The following NBL1 variants were observed in gnomAD, a reference collection of about 807,000 sequenced individuals.
NBL1 encodes the protein neuroblastoma suppressor of tumorigenicity 1.
Under a neutral mutation model 16.0 loss-of-function variants are expected in NBL1, and 9 were observed. That is an observed-to-expected ratio of 0.56 (90% CI 0.34 to 0.98). The LOEUF (loss-of-function observed/expected upper bound fraction) is 0.98, where lower values mean the gene tolerates loss of function less well. Ranked by LOEUF, NBL1 falls within the 50% of genes least tolerant of loss-of-function variation. The probability of loss-of-function intolerance (pLI) is 0.02; values close to 1 mark genes in which losing one functional copy is unlikely to be tolerated. For missense variants in NBL1, 196 were observed against 243.1 expected (o/e 0.81, Z 1.29); for synonymous variants, 86 against 100.7 (o/e 0.85, Z 0.87).
upstream of NBL1, chr1:19,644,162 C>A (rs548708702): frequency 6.7e-5 from 66 of 980,338 alleles, no homozygotes; most frequent in Non-Finnish European, 2.1e-5. This position sits in a 1 kb window ranked among gnomAD's most constrained non-coding sequence, Gnocchi z 4.6. Flanking sequence ...GCGGCGCCCC[C>A]TCCTGCGCAC....
In NBL1 at chr1:19,658,274, T is replaced by C. The variant is rs1313344941; in HGVS notation, c.*1145T>C. ...GCGGGCCCATGAAGAAAGCCCCTCG[T>C]TGCCCAGCACTGTCTGCGTCTGCTC... On this transcript the variant is annotated 3_prime_UTR_variant, in exon 4 of 4. Coordinates refer to ENST00000375136, the MANE Select transcript of NBL1 (RefSeq NM_005380.8). The C allele has an allele frequency of 1.3e-5, 2 of 152,704 alleles. No homozygotes were observed. Among genetic ancestry groups the C allele is most frequent in the Admixed American group, 6.5e-5 (1 of 15,280 alleles). 9.5% of individuals were successfully genotyped at this position (152,704 alleles called of 1,614,324 possible). A position where few individuals can be genotyped will look rare whatever the true frequency, so the allele number is the denominator to read the frequency against.
intron 1 of NBL1, among the ~76,000 whole-genome samples, chr1:19,653,010 G>A (rs968196208): frequency 4.0e-5 from 6 of 149,748 alleles, no homozygotes; most frequent in South Asian, 2.1e-4. Context: ...AAGTAAGGCC[G>A]GGCGCAGTGG....
intron 1 of NBL1, chr1:19,645,243 G>A (rs1052589350): frequency 1.2e-5 from 6 of 498,918 alleles, no homozygotes; most frequent in African/African-American, 1.0e-4. Flanking sequence ...TTGAGTCTGG[G>A]GCAGGGAGAG....
intron 1 of NBL1, chr1:19,645,802 G>A: frequency 6.9e-7 from 1 of 1,441,892 alleles, no homozygotes; most frequent in Non-Finnish European, 9.1e-7. Context: ...TAGGTGTTCT[G>A]CATCGGCCAG....
intron 1 of NBL1, among the ~76,000 whole-genome samples, chr1:19,650,637 G>T (rs1160062634): frequency 1.3e-5 from 2 of 152,154 alleles, no homozygotes; most frequent in Non-Finnish European, 1.5e-5. Flanking sequence ...CTCGCTTTTG[G>T]GGAGTCCCAT....
chr1:19,654,221 G>T (rs558059225), intron 1 of NBL1, among the ~76,000 whole-genome samples: 2 of 152,178 alleles, frequency 1.3e-5, no homozygotes, highest in Admixed American at 1.3e-4. Context: ...GACCAGCCTG[G>T]GCAACACGGC....
rs2095060645 is a variant in NBL1 at position 19,657,063 on chromosome 1, G to A, written c.480G>A (p.Gly160=). 4 of 1,541,292 alleles carry A rather than the reference G, an allele frequency of 2.6e-6. No homozygotes were observed. Among genetic ancestry groups the A allele is most frequent in the Non-Finnish European group, 3.5e-6 (4 of 1,141,774 alleles). Residue 160 remains glycine (G), a synonymous_variant, in exon 4 of 4, where the codon GGG becomes GGA. Coordinates refer to ENST00000375136, the MANE Select transcript of NBL1 (RefSeq NM_005380.8). ...PHPHPHPHPG[G]QTPEPEDPPG... ...CCCATCCCCACCCCCATCCTGGCGGGCAGACCCCTGAGCCCGAGGACCCCC... is the reference window on the plus strand; with the variant it reads ...CCCATCCCCACCCCCATCCTGGCGGACAGACCCCTGAGCCCGAGGACCCCC...
chr1:19,651,922 A>G (rs1021760614), intron 1 of NBL1, among the ~76,000 whole-genome samples: 3 of 151,944 alleles, frequency 2.0e-5, no homozygotes, highest in Non-Finnish European at 2.9e-5. Context: ...ATTTTATTTT[A>G]TTTTGAGACC....
chr1:19,643,522 G>C (rs1462442643), upstream of NBL1: 1 of 1,484,238 alleles, frequency 6.7e-7, no homozygotes, highest in Admixed American at 2.2e-5. This position sits in a 1 kb window ranked among gnomAD's most constrained non-coding sequence, Gnocchi z 4.7. Flanking sequence ...GAATAGAGAA[G>C]GTACGGCCGC....
At chr1:19,651,256 C>T (rs1209668349) in intron 1 of NBL1, among the ~76,000 whole-genome samples, 1 of 152,178 alleles carries the variant, frequency 6.6e-6, no homozygotes, top group Non-Finnish European at 1.5e-5. Context: ...GCTGGAGCTC[C>T]ACGCTGCTGG....
At chr1:19,655,461 C>A (rs1272231381) in intron 3 of NBL1, 26 bp downstream of exon 3, 2 of 1,611,774 alleles carry the variant, frequency 1.2e-6, no homozygotes, top group Non-Finnish European at 8.5e-7. Context: ...CTGCCCCACC[C>A]AGTCTCGGCC....
intron 1 of NBL1, among the ~76,000 whole-genome samples, chr1:19,653,103 C>T (rs1190782163): frequency 2.0e-5 from 3 of 151,444 alleles, no homozygotes; most frequent in Admixed American, 6.6e-5. Context: ...CTGGCTAACA[C>T]GGTGAAACCC....
rs2094965288 is a variant in NBL1 at position 19,644,436 on chromosome 1, G to C, written c.-30G>C. The C allele has an allele frequency of 6.1e-6, 6 of 978,740 alleles. No individual in the cohort carries two copies. The highest frequency in any genetic ancestry group is 7.3e-6 in the Non-Finnish European group (6 of 827,442). The allele number at this position is 978,740 out of a possible 1,614,324, so 60.6% of individuals were successfully genotyped here. A position where few individuals can be genotyped will look rare whatever the true frequency, so the allele number is the denominator to read the frequency against. On this transcript the variant is annotated 5_prime_UTR_variant, in exon 1 of 4. Coordinates refer to ENST00000375136, the MANE Select transcript of NBL1 (RefSeq NM_005380.8). The surrounding 1 kb of genome is among the most constrained non-coding windows in gnomAD (Gnocchi z 4.6). ...CCGCACCCAGCTCCGCAGGACCGGC[G>C]GGCGCGCGCGGTAAGTCCCGCCCGG...
rs372558382 is a variant in NBL1 at position 19,653,773 on chromosome 1, C to T, written c.-19-1239C>T. Among the ~76,000 whole-genome samples, 22 of 152,284 alleles carry T rather than the reference C, an allele frequency of 1.4e-4. 1 individual carries two copies. Among genetic ancestry groups the T allele is most frequent in the Admixed American group, 1.1e-3 (17 of 15,292 alleles). On this transcript the variant is annotated intron_variant, in intron 1 of 3. Transcript: ENST00000375136. The stretch of plus-strand genomic sequence containing the variant: ...CTGCCCTCATCTCTGAAGCCTCCCT[C>T]TCCCGTGCTTTTTGCACTGGGGGGC...
chr1:19,645,768 GT>G, intron 1 of NBL1: 1 of 1,395,406 alleles, frequency 7.2e-7, no homozygotes, highest in Non-Finnish European at 9.3e-7. Flanking sequence ...CCGGGCCTGT[GT>G]TTTGGAGGGG....
At chr1:19,648,996 G>A (rs1480583662) in intron 1 of NBL1, among the ~76,000 whole-genome samples, 6 of 152,152 alleles carry the variant, frequency 3.9e-5, no homozygotes, top group African/African-American at 7.2e-5. Context: ...GTGGCTGAAC[G>A]CTAGGGTGTT....
chr1:19,653,336 T>TG (rs2095038124), intron 1 of NBL1, among the ~76,000 whole-genome samples: 1 of 146,356 alleles, frequency 6.8e-6, no homozygotes, highest in Admixed American at 6.8e-5. Context: ...CCATGGCCCA[T>TG]GGTAGGATTG....
Position 19,656,940 on chromosome 1 carries a change from C to G in NBL1, c.357C>G (p.Ser119Arg). The G allele has an allele frequency of 1.9e-6, 3 of 1,612,872 alleles. No individual in the cohort carries two copies. The highest frequency in any genetic ancestry group is 2.5e-6 in the Non-Finnish European group (3 of 1,179,628). Residue 119 changes from serine to arginine, a missense_variant, in exon 4 of 4, where the codon AGC becomes AGG. Coordinates refer to ENST00000375136, the MANE Select transcript of NBL1 (RefSeq NM_005380.8). ...TGGTGGAGAAGATCCTGCACTGTAGCTGCCAGGCCTGCGGCAAGGAGCCTA... is the reference window on the plus strand; with the variant it reads ...TGGTGGAGAAGATCCTGCACTGTAGGTGCCAGGCCTGCGGCAAGGAGCCTA... ...DKLVEKILHCSCQACGKEPSH... is the reference protein window; with the variant it reads ...DKLVEKILHCRCQACGKEPSH...
intron 1 of NBL1, among the ~76,000 whole-genome samples, chr1:19,650,906 G>A (rs2095020653): frequency 6.6e-6 from 1 of 152,218 alleles, no homozygotes; most frequent in Non-Finnish European, 1.5e-5. Flanking sequence ...AGGCAGGTGT[G>A]TCTGGATGAC....
Sources: allele counts gnomAD v4.1 joint callset (sites outside exome capture counted in the v4.1 genomes callset), GRCh38; gene constraint gnomAD v4.1.1; non-coding constraint Gnocchi (gnomAD v3.1); transcripts MANE v1.5; gene names NCBI Gene and HGNC (gene_info 2026-07-23, HGNC 2026-07-21).